Variants in RNF213 observed in about 807,000 individuals in gnomAD.
RNF213 encodes ring finger protein 213, also known as E3 ubiquitin-protein ligase RNF213.
RNF213 carries 341 observed loss-of-function variants against 514.4 expected under a neutral mutation model. The ratio of observed to expected loss-of-function variants is 0.66; its 90% CI spans 0.61 to 0.73. The LOEUF (loss-of-function observed/expected upper bound fraction) is 0.73, where lower values mean the gene tolerates loss of function less well. Among genes scored for constraint, RNF213 ranks in the 30% least tolerant of loss-of-function variants. The pLI, the probability that RNF213 is intolerant of heterozygous loss-of-function variation, is 0.00. For synonymous variants in RNF213, 2,655 were observed against 2,658.2 expected (o/e 1.00, Z 0.04); for missense variants, 5,767 against 6,615.6 (o/e 0.87, Z 4.45).
At position 80,287,795 on chromosome 17, in the gene RNF213, G is replaced by A. The variant is rs145237547; in HGVS notation, c.262-20G>A. ...AGAGTAAATCTAAGAAATAAAGTGAGTGTCTCTCTTTCTGTTTAGAGCAAA... is the reference window on the plus strand; with the variant it reads ...AGAGTAAATCTAAGAAATAAAGTGAATGTCTCTCTTTCTGTTTAGAGCAAA... On this transcript the variant is annotated intron_variant, in intron 3 of 67. Transcript: ENST00000582970. The A allele has an allele frequency of 7.4e-3, 11,982 of 1,611,950 alleles. 53 individuals are homozygous for A. The highest frequency in any genetic ancestry group is 9.1e-3 in the Non-Finnish European group (10,760 of 1,178,256).
intron 15 of RNF213, chr17:80,315,791 TGG>T (rs2045913139): frequency 4.6e-5 from 2 of 43,238 alleles, no homozygotes; most frequent in South Asian, 8.7e-4. Flanking sequence ...GTGGTGGTGG[TGG>T]TGGTGGTGGA....
Position 80,334,125 on chromosome 17 carries a change from T to C in RNF213, c.4164T>C (p.Phe1388=), listed in dbSNP as rs1413792468. 2.0e-6 allele frequency: 3 copies of C among 1,537,206 alleles called. No individual in the cohort carries two copies. The highest frequency in any genetic ancestry group is 2.4e-5 in the East Asian group (1 of 40,908). ...LLNFTDNFDD[F]RRETLDQINQ... ...TGCAGACTGATAACTTCGACGACTTTCGCCGTGAAACACTGGACCAGATCA... is the reference window on the plus strand; with the variant it reads ...TGCAGACTGATAACTTCGACGACTTCCGCCGTGAAACACTGGACCAGATCA... The change falls in exon 22 of 68, where the codon TTT becomes TTC. Residue 1388 remains phenylalanine, a synonymous_variant. Coordinates refer to ENST00000582970, the MANE Select transcript of RNF213 (RefSeq NM_001256071.3).
Position 80,343,039 on chromosome 17 carries a change from C to T in RNF213, c.5990-93C>T, listed in dbSNP as rs1368068601. 3.9e-6 allele frequency: 4 copies of T among 1,034,988 alleles called. No homozygotes were observed. The highest frequency in any genetic ancestry group is 6.0e-6 in the Non-Finnish European group (4 of 667,898). The allele number at this position is 1,034,988 out of a possible 1,614,324, so 64.1% of individuals were successfully genotyped here. On this transcript the variant is annotated intron_variant, in intron 26 of 67. Transcript: ENST00000582970. The surrounding 1 kb of genome is among the most constrained non-coding windows in gnomAD (Gnocchi z 4.3). ...ACCAGGCTGGCTTTGAACTCCTGACCTCAAGTGATCCCCCCGCCTCGGCCT... is the reference window on the plus strand; with the variant it reads ...ACCAGGCTGGCTTTGAACTCCTGACTTCAAGTGATCCCCCCGCCTCGGCCT...
At chr17:80,382,659 G>A (rs2144609249) in intron 57 of RNF213, 1 of 345,246 alleles carries the variant, frequency 2.9e-6, no homozygotes. Context: ...TTGGGTGGCA[G>A]CAGCTGAGAC....
chr17:80,367,636 C>T (rs993991076), intron 42 of RNF213, 112 bp from the exon 43 acceptor site: 2 of 787,024 alleles, frequency 2.5e-6, no homozygotes, highest in Non-Finnish European at 4.4e-6. Context: ...CACCCCACAC[C>T]CCACACACAC....
At chr17:80,280,180 C>T (rs1033540511) in intron 3 of RNF213, among the ~76,000 whole-genome samples, 1 of 152,196 alleles carries the variant, frequency 6.6e-6, no homozygotes, top group African/African-American at 2.4e-5. Context: ...CTTAGCCAGA[C>T]CTAAGGCACA....
chr17:80,307,863 T>TTC (rs2045425887), intron 13 of RNF213, among the ~76,000 whole-genome samples: 1 of 150,662 alleles, frequency 6.6e-6, no homozygotes, highest in Non-Finnish European at 1.5e-5. Flanking sequence ...TGTTTTTTTT[T>TTC]TTTTTTTTTT....
intron 38 of RNF213, among the ~76,000 whole-genome samples, chr17:80,360,879 T>G (rs1356473731): frequency 6.6e-6 from 1 of 152,214 alleles, no homozygotes; most frequent in Non-Finnish European, 1.5e-5. Flanking sequence ...TCTGCCACTT[T>G]TTCTCAAAGC....
At chr17:80,322,568 T>C (rs2046175283) in intron 17 of RNF213, among the ~76,000 whole-genome samples, 1 of 151,696 alleles carries the variant, frequency 6.6e-6, no homozygotes, top group Non-Finnish European at 1.5e-5. Context: ...AGAGCGAGAC[T>C]CTGTCTCAAA....
rs530989442 is a variant in RNF213, at chr17:80,363,782, G to C, written c.11742G>C (p.Arg3914Ser). Reference protein sequence around the residue: ...GSGSLAQAVIREVRAQWSRIF... With the variant: ...GSGSLAQAVISEVRAQWSRIF... ...GGAGCCTGGCCCAGGCTGTCATCAG[G>C]GAAGTCAGGTGAGACCCAGGAGCCC... Residue 3914 changes from arginine to serine, a missense_variant, in exon 41 of 68, where the codon AGG (arginine) becomes AGC (serine). Physicochemically the swap from Arg to Ser is moderately radical, Grantham distance 110. Coordinates refer to ENST00000582970, the MANE Select transcript of RNF213 (RefSeq NM_001256071.3). The C allele has an allele frequency of 1.9e-6, 3 of 1,613,198 alleles. No individual in the cohort carries two copies. In the Admixed American group the frequency reaches 5.0e-5, roughly 27 times the overall value.
intron 55 of RNF213, 60 bp downstream of exon 55, chr17:80,379,774 TATTCCAGCTG>T: frequency 7.3e-7 from 1 of 1,366,588 alleles, no homozygotes; most frequent in Non-Finnish European, 1.0e-6. Context: ...GGGCTGTTTT[TATTCCAGCTG>T]ATAAAGTGAT....
At chr17:80,367,612 T>C (rs1437723174) in intron 42 of RNF213, 136 bp from the exon 43 acceptor site, 4 of 686,380 alleles carry the variant, frequency 5.8e-6, no homozygotes, top group Non-Finnish European at 1.1e-5. Flanking sequence ...AAACACAGGA[T>C]CACAAAGGCC....
At chr17:80,334,293 C>A in intron 22 of RNF213, 23 bp downstream of exon 22, 1 of 1,518,162 alleles carries the variant, frequency 6.6e-7, no homozygotes. Context: ...TTTGGGGTTG[C>A]GTGGAAGTGT....
rs769571061 is a variant in RNF213, at chr17:80,339,633, C to T, written c.5266C>T (p.Arg1756Cys). 144 of 1,537,150 alleles carry T rather than the reference C, an allele frequency of 9.4e-5. No individual in the cohort carries two copies. Among genetic ancestry groups the T allele is most frequent in the Admixed American group, 2.4e-4 (12 of 50,984 alleles). The part of the protein sequence containing the change: ...VGCGSEAARY[R>C]MRRVMEELPL... ...GTGTGGGAGTGAGGCCGCCAGGTAC[C>T]GCATGAGGAGAGTCATGGAAGAGCT... The change falls in exon 26 of 68, where the codon CGC (arginine) becomes TGC (cysteine). Residue 1756 changes from arginine (R) to cysteine (C), a missense_variant. By Grantham distance (180) the Arg-to-Cys change is radical. This residue lies in a region of RNF213 where 1,377 missense variants were observed against 1,635.2 expected (regional missense o/e 0.84). Transcript: ENST00000582970.
intron 37 of RNF213, among the ~76,000 whole-genome samples, chr17:80,359,023 C>T (rs116003223): frequency 0.041 from 6,270 of 152,270 alleles, 150 homozygotes; most frequent in East Asian, 0.15. Context: ...TGGCGTGACA[C>T]GGAGACAGTG....
intron 10 of RNF213, among the ~76,000 whole-genome samples, chr17:80,297,886 G>A (rs976807885): frequency 2.0e-5 from 3 of 152,132 alleles, no homozygotes; most frequent in Non-Finnish European, 4.4e-5. Context: ...GAGCCCAAGA[G>A]TTCGAGGTTA....
At chr17:80,360,012 G>A (rs1315348911) in intron 37 of RNF213, 49 bp from the exon 38 acceptor site, 1 of 1,600,764 alleles carries the variant, frequency 6.2e-7, no homozygotes, top group South Asian at 1.1e-5. Context: ...CTTGTGTTTT[G>A]AGTGACGTCT....
intron 13 of RNF213, 84 bp downstream of exon 13, chr17:80,307,285 C>A: frequency 1.7e-6 from 2 of 1,152,262 alleles, no homozygotes; most frequent in Non-Finnish European, 1.3e-6. Context: ...CCGTGACCCA[C>A]ATGTGCTGTT....
At chr17:80,319,873 CTT>C (rs2143834407) in intron 17 of RNF213, 1 of 1,145,708 alleles carries the variant, frequency 8.7e-7, no homozygotes, top group African/African-American at 1.6e-5. Flanking sequence ...TAATTGGACA[CTT>C]AACCCCTGTA....
Sources: allele counts gnomAD v4.1 joint callset (sites outside exome capture counted in the v4.1 genomes callset), GRCh38; gene constraint gnomAD v4.1.1; regional missense constraint gnomAD v4.1.1; non-coding constraint Gnocchi (gnomAD v3.1); transcripts MANE v1.5; gene names NCBI Gene and HGNC (gene_info 2026-07-23, HGNC 2026-07-21).